Variants in ABCC2 observed in about 807,000 individuals in gnomAD.
ABCC2 encodes ATP-binding cassette sub-family C member 2.
A neutral mutation model predicts 173.4 loss-of-function variants in ABCC2; 157 were observed. The ratio of observed to expected loss-of-function variants is 0.91; its 90% CI spans 0.80 to 1.03. The LOEUF is 1.03. ABCC2 is among the 50% of genes least tolerant of loss of function. ABCC2 has a pLI of 0.00. For synonymous variants in ABCC2, 657 were observed against 693.5 expected (o/e 0.95, Z 0.83); for missense variants, 1,822 against 1,852.3 (o/e 0.98, Z 0.30).
chr10:99,825,835 C>G (rs11498759), intron 19 of ABCC2, among the ~76,000 whole-genome samples: 5 of 151,994 alleles, frequency 3.3e-5, no homozygotes, highest in Admixed American at 1.3e-4. Flanking sequence ...CACTGCCGCT[C>G]GTGGCGGGGG....
chr10:99,810,804 CACCTG>C (rs1439263109), intron 14 of ABCC2, among the ~76,000 whole-genome samples: 1 of 152,124 alleles, frequency 6.6e-6, no homozygotes, highest in Non-Finnish European at 1.5e-5. Flanking sequence ...GTGGGTGGAT[CACCTG>C]AGGTCAGGAG....
Position 99,850,718 on chromosome 10 carries a change from C to T in ABCC2, c.4430C>T (p.Thr1477Met), listed in dbSNP as rs142573385. The change falls in exon 31 of 32, where the codon ACG becomes ATG. Residue 1477 changes from threonine (T) to methionine (M), a missense_variant. Physicochemically the swap from Thr to Met is moderately conservative, Grantham distance 81. Transcript: ENST00000647814. ...VDLETDNLIQ[T>M]TIQNEFAHCT... ...CTAGAGACAGACAACCTCATTCAGA[C>T]GACCATCCAAAACGAGTTCGCCCAC... The T allele has an allele frequency of 1.5e-3, 2,377 of 1,614,166 alleles. 8 individuals carry two copies. Among genetic ancestry groups the T allele is most frequent in the Middle Eastern group, 1.6e-3 (10 of 6,062 alleles).
chr10:99,790,426 T>C (rs1225786131), intron 2 of ABCC2, among the ~76,000 whole-genome samples: 3 of 152,206 alleles, frequency 2.0e-5, no homozygotes, highest in African/African-American at 7.2e-5. Flanking sequence ...TTGTAGAAGT[T>C]CTTTATAAAG....
At chr10:99,846,287 C>T (rs1480838696) in intron 29 of ABCC2, among the ~76,000 whole-genome samples, 1 of 152,244 alleles carries the variant, frequency 6.6e-6, no homozygotes, top group Non-Finnish European at 1.5e-5. Flanking sequence ...CTCCGTTCCC[C>T]GCAGCGGCTC....
intron 31 of ABCC2, among the ~76,000 whole-genome samples, chr10:99,851,063 G>A (rs1341304936): frequency 6.6e-6 from 1 of 152,230 alleles, no homozygotes. Context: ...GGAGGTGGAA[G>A]CTCAAGCCGT....
At position 99,797,306 on chromosome 10, in the gene ABCC2, G is replaced by A. The variant is rs56131651; in HGVS notation, c.842G>A (p.Ser281Asn). The change falls in exon 7 of 32, where the codon AGT (serine) becomes AAT (asparagine). Residue 281 changes from serine to asparagine, a missense_variant. Coordinates refer to ENST00000647814, the MANE Select transcript of ABCC2 (RefSeq NM_000392.5). Reference protein sequence around the residue: ...ARLPGLNKNQSQSQDALVLED... With the variant: ...ARLPGLNKNQNQSQDALVLED... ...CTGCCTGGCTTGAACAAGAATCAGA[G>A]TCAAAGCCAAGATGCCCTTGTCCTG... 10,824 of 1,613,438 alleles carry A rather than the reference G, an allele frequency of 6.7e-3. 54 individuals are homozygous for A. Among genetic ancestry groups the A allele is most frequent in the Middle Eastern group, 0.011 (66 of 6,058 alleles).
Position 99,834,451 on chromosome 10 carries a change from C to G in ABCC2, c.3330C>G (p.Ile1110Met). The change falls in exon 24 of 32, where the codon ATC becomes ATG. Residue 1110 changes from isoleucine (I) to methionine (M), a missense_variant. Transcript: ENST00000647814. ...RSWITCFLGI[I>M]STLVMICMAT... ...GGATTACATGCTTCCTGGGGATAAT[C>G]AGCACCCTTGTCATGATCTGCATGG... is the stretch of plus-strand genomic sequence containing the variant. 6.2e-7 allele frequency: 1 copy of G among 1,614,180 alleles called. No homozygotes were observed. The highest frequency in any genetic ancestry group is 8.5e-7 in the Non-Finnish European group (1 of 1,180,018).
chr10:99,813,216 G>A, intron 16 of ABCC2, 72 bp downstream of exon 16: 1 of 1,569,478 alleles, frequency 6.4e-7, no homozygotes, highest in Non-Finnish European at 8.7e-7. Flanking sequence ...GCCTCACTGG[G>A]GAGAAGGCAC....
intron 20 of ABCC2, 69 bp from the exon 21 acceptor site, chr10:99,830,647 C>A: frequency 1.4e-5 from 23 of 1,609,138 alleles, no homozygotes; most frequent in Non-Finnish European, 1.9e-5. Context: ...AGCTGAGTGA[C>A]TGTGACATCT....
chr10:99,850,526 A>G (rs1192730890), intron 30 of ABCC2, 76 bp from the exon 31 acceptor site: 2 of 1,456,584 alleles, frequency 1.4e-6, no homozygotes, highest in Middle Eastern at 2.3e-4. Flanking sequence ...GATCTGGAAC[A>G]TGAAAATGGT....
At chr10:99,808,334 T>G in intron 13 of ABCC2, 105 bp downstream of exon 13, 17 of 1,463,392 alleles carry the variant, frequency 1.2e-5, no homozygotes, top group Non-Finnish European at 1.6e-5. Flanking sequence ...TGGTAAACTT[T>G]CAAGAGAGAG....
intron 18 of ABCC2, 28 bp from the exon 19 acceptor site, chr10:99,819,061 T>C (rs748801015): frequency 1.3e-4 from 205 of 1,613,552 alleles, no homozygotes; most frequent in Middle Eastern, 8.2e-4. Context: ...CATATGGTAA[T>C]CAACACAACT....
chr10:99,851,583 T>A lies in ABCC2; in HGVS notation c.4590T>A (p.Phe1530Leu), dbSNP rs765242108. 3.7e-6 allele frequency: 6 copies of A among 1,614,066 alleles called. No homozygotes were observed. The highest frequency in any genetic ancestry group is 1.7e-5 in the Admixed American group (1 of 60,006). Residue 1530 changes from phenylalanine (F) to leucine (L), a missense_variant, in exon 32 of 32, where the codon TTT (phenylalanine) becomes TTA (leucine). Transcript: ENST00000647814. Reference sequence around the variant, plus strand: ...TACAAATCCCTGGACCCTTTTACTTTATGGCTAAGGAAGCTGGCATTGAGA... The same window carrying A: ...TACAAATCCCTGGACCCTTTTACTTAATGGCTAAGGAAGCTGGCATTGAGA... ...ELLQIPGPFYFMAKEAGIENV... is the reference protein window; with the variant it reads ...ELLQIPGPFYLMAKEAGIENV...
intron 28 of ABCC2, 52 bp downstream of exon 28, chr10:99,844,517 A>G: frequency 1.2e-6 from 2 of 1,603,740 alleles, no homozygotes; most frequent in Non-Finnish European, 1.7e-6. Flanking sequence ...TCAAACAACA[A>G]TTGGACAGAG....
intron 16 of ABCC2, 67 bp from the exon 17 acceptor site, chr10:99,817,241 A>AC: frequency 6.7e-7 from 1 of 1,498,856 alleles, no homozygotes; most frequent in East Asian, 2.3e-5. Flanking sequence ...CTCTCCAGCC[A>AC]CCCCGTCCTT....
chr10:99,812,880 G>A (rs2038240587), intron 15 of ABCC2, 138 bp from the exon 16 acceptor site: 3 of 1,110,858 alleles, frequency 2.7e-6, no homozygotes, highest in African/African-American at 1.5e-5. Flanking sequence ...TTGGGGTCTT[G>A]TATATCCAAG....
chr10:99,800,263 G>A, intron 8 of ABCC2, 123 bp from the exon 9 acceptor site: 1 of 1,063,688 alleles, frequency 9.4e-7, no homozygotes, highest in Non-Finnish European at 1.5e-6. Flanking sequence ...AAAGGCTTTG[G>A]ACAATTCTGG....
At position 99,815,277 on chromosome 10, in the gene ABCC2, G is replaced by A. The variant is rs186152292; in HGVS notation, c.2095-2031G>A. On this transcript the variant is annotated intron_variant, in intron 16 of 31. Transcript: ENST00000647814. The stretch of plus-strand genomic sequence containing the variant: ...ATGTCCCTACAAAGGACATGATCTC[G>A]TTCCTTTTTATGGCTGCATAGTATT... Among the ~76,000 whole-genome samples, 187 of 152,190 alleles carry A rather than the reference G, an allele frequency of 1.2e-3. 2 individuals carry two copies. The highest frequency in any genetic ancestry group is 4.2e-3 in the African/African-American group (175 of 41,522).
At chr10:99,792,486 G>A in intron 3 of ABCC2, 127 bp downstream of exon 3, 1 of 1,441,002 alleles carries the variant, frequency 6.9e-7, no homozygotes. Context: ...CCATAGTGAG[G>A]CAAAGCTTGG....
Sources: gnomAD v4.1 joint callset for allele counts (sites outside exome capture counted in the v4.1 genomes callset) on GRCh38, gnomAD v4.1.1 for gene constraint, MANE v1.5 for transcripts, NCBI Gene and HGNC (gene_info 2026-07-23, HGNC 2026-07-21) for gene names.